CALN1: variants seen among roughly 807,000 people sequenced by gnomAD.
CALN1 encodes calcium-binding protein 8.
CALN1 carries 17 observed loss-of-function variants against 30.6 expected under a neutral mutation model. That is an observed-to-expected ratio of 0.56 (90% CI 0.38 to 0.83). The LOEUF is 0.83. CALN1 is among the 40% of genes least tolerant of loss of function. CALN1 has a pLI of 0.00. For missense variants in CALN1, 291 were observed against 354.9 expected, an observed-to-expected ratio of 0.82 and a Z score of 1.45; for synonymous variants, 156 against 131.4, an observed-to-expected ratio of 1.19 and a Z score of -1.28.
At chr7:72,088,980 T>C (rs1805672237) in intron 4 of CALN1, among the ~76,000 whole-genome samples, 1 of 152,056 alleles carries the variant, frequency 6.6e-6, no homozygotes, top group Non-Finnish European at 1.5e-5. Flanking sequence ...AACAAATATA[T>C]ATTAATTAAA....
intron 3 of CALN1, among the ~76,000 whole-genome samples, chr7:72,264,579 G>A (rs545355646): frequency 1.3e-5 from 2 of 151,798 alleles, no homozygotes; most frequent in South Asian, 4.2e-4. Context: ...TTGCATCCTG[G>A]AACCTGGAAC....
chr7:72,379,416 A>G (rs1419810965), intron 2 of CALN1, among the ~76,000 whole-genome samples: 1 of 152,246 alleles, frequency 6.6e-6, no homozygotes, highest in Non-Finnish European at 1.5e-5. Flanking sequence ...TAGGGTGCAT[A>G]CCAGACACCA....
chr7:72,284,306 T>A (rs182508367), intron 2 of CALN1, among the ~76,000 whole-genome samples: 5 of 152,244 alleles, frequency 3.3e-5, no homozygotes, highest in Admixed American at 2.0e-4. Context: ...AAAAAGTTAA[T>A]TAAATAAATA....
chr7:72,334,207 T>A (rs1012547802), intron 2 of CALN1, among the ~76,000 whole-genome samples: 13 of 152,134 alleles, frequency 8.5e-5, no homozygotes, highest in Non-Finnish European at 1.6e-4. Context: ...GCTTTAAACG[T>A]CCAAAGTCTA....
At chr7:72,050,602 A>T (rs1306947450) in intron 4 of CALN1, among the ~76,000 whole-genome samples, 1 of 152,236 alleles carries the variant, frequency 6.6e-6, no homozygotes, top group East Asian at 1.9e-4. Context: ...TACAAATGCA[A>T]GATAGTATCT....
intron 2 of CALN1, among the ~76,000 whole-genome samples, chr7:72,289,576 A>C (rs1798331531): frequency 6.6e-6 from 1 of 152,158 alleles, no homozygotes; most frequent in African/African-American, 2.4e-5. Flanking sequence ...CCAAGCTCCC[A>C]ACATGGTACC....
At chr7:72,322,686 G>A (rs1298663222) in intron 2 of CALN1, among the ~76,000 whole-genome samples, 3 of 151,986 alleles carry the variant, frequency 2.0e-5, no homozygotes, top group Non-Finnish European at 4.4e-5. Flanking sequence ...GGAATGTGGG[G>A]GATGTGGGGA....
At chr7:72,214,814 G>C (rs1562748881) in intron 3 of CALN1, among the ~76,000 whole-genome samples, 1 of 151,922 alleles carries the variant, frequency 6.6e-6, no homozygotes, top group African/African-American at 2.4e-5. Flanking sequence ...TGCAGCATTA[G>C]ATTCTCATAG....
At chr7:72,078,085 T>C (rs1477484809) in intron 4 of CALN1, among the ~76,000 whole-genome samples, 1 of 152,180 alleles carries the variant, frequency 6.6e-6, no homozygotes, top group African/African-American at 2.4e-5. Context: ...GAAGAATCTA[T>C]TCATCATTTG....
chr7:71,787,734 T>C lies in CALN1; in HGVS notation c.*41A>G. On this transcript the variant is annotated 3_prime_UTR_variant, in exon 7 of 7. Coordinates refer to ENST00000395275, the MANE Select transcript of CALN1 (RefSeq NM_031468.4). Reference sequence around the variant, plus strand: ...AGAGTCTGCCCGCACGGCATGCACATGCGCGGTGAGCTGCAACACAGTGTG... The same window carrying C: ...AGAGTCTGCCCGCACGGCATGCACACGCGCGGTGAGCTGCAACACAGTGTG... 1.9e-6 allele frequency: 3 copies of C among 1,609,936 alleles called. No homozygotes were observed. The highest frequency in any genetic ancestry group is 2.2e-5 in the South Asian group (2 of 90,842).
intron 4 of CALN1, among the ~76,000 whole-genome samples, chr7:72,060,654 G>A (rs943479297): frequency 2.6e-5 from 4 of 152,198 alleles, no homozygotes; most frequent in African/African-American, 7.2e-5. Context: ...GCCTGTGGGA[G>A]ATGTTGGATC....
chr7:72,416,757 A>C (rs1372161075), upstream of CALN1, among the ~76,000 whole-genome samples: 3 of 150,596 alleles, frequency 2.0e-5, no homozygotes, highest in Non-Finnish European at 3.0e-5. Context: ...AAAAAAAAAA[A>C]AAAACAAATA....
At chr7:72,394,689 T>C (rs1805802502) in intron 2 of CALN1, among the ~76,000 whole-genome samples, 2 of 148,140 alleles carry the variant, frequency 1.4e-5, no homozygotes, top group African/African-American at 2.5e-5. Flanking sequence ...TGAGACACAG[T>C]CTCACTATGT....
intron 3 of CALN1, among the ~76,000 whole-genome samples, chr7:72,198,713 A>G (rs564636361): frequency 7.2e-5 from 11 of 152,362 alleles, no homozygotes; most frequent in African/African-American, 2.6e-4. Context: ...AAACTGGGCC[A>G]GAAAAGAGAA....
chr7:72,016,802 C>T (rs1800403265), intron 5 of CALN1, among the ~76,000 whole-genome samples: 1 of 149,210 alleles, frequency 6.7e-6, no homozygotes, highest in African/African-American at 2.6e-5. Context: ...AGACAAAAGC[C>T]TGGGCCTGGG....
chr7:72,294,362 CTA>C (rs1481957086), intron 2 of CALN1, among the ~76,000 whole-genome samples: 1 of 152,062 alleles, frequency 6.6e-6, no homozygotes, highest in African/African-American at 2.4e-5. Flanking sequence ...GAAGGTCATT[CTA>C]TGTTTGAGGG....
chr7:71,975,057 C>A (rs1401963813), intron 5 of CALN1, among the ~76,000 whole-genome samples: 1 of 152,166 alleles, frequency 6.6e-6, no homozygotes, highest in Non-Finnish European at 1.5e-5. Flanking sequence ...GGGGCTTTCA[C>A]CAAATCCAAT....
chr7:72,246,815 CGCAATCTCAGCTCACT>C (rs1795199457), intron 3 of CALN1, among the ~76,000 whole-genome samples: 1 of 137,374 alleles, frequency 7.3e-6, no homozygotes, highest in South Asian at 2.4e-4. Flanking sequence ...GGTGCTGTGG[CGCAATCTCAGCTCACT>C]GCAACCTCCG....
intron 4 of CALN1, among the ~76,000 whole-genome samples, chr7:72,027,136 A>G (rs1039153711): frequency 1.3e-5 from 2 of 152,234 alleles, no homozygotes; most frequent in South Asian, 2.1e-4. Flanking sequence ...GCTACAGTAC[A>G]TAATACACAG....
Sources: gnomAD v4.1 joint callset for allele counts (sites outside exome capture counted in the v4.1 genomes callset) on GRCh38, gnomAD v4.1.1 for gene constraint, MANE v1.5 for transcripts, NCBI Gene and HGNC (gene_info 2026-07-23, HGNC 2026-07-21) for gene names.